Variants in CSGALNACT1 observed in about 807,000 individuals in gnomAD.
CSGALNACT1 encodes beta4GalNAcT-1.
CSGALNACT1 carries 52 observed loss-of-function variants against 51.0 expected under a neutral mutation model. The observed-to-expected ratio is 1.02, with a 90% CI of 0.82 to 1.29. The LOEUF (loss-of-function observed/expected upper bound fraction) is 1.29, where lower values mean the gene tolerates loss of function less well. Ranked by LOEUF, CSGALNACT1 falls within the 50% of genes most tolerant of loss-of-function variation. The pLI, the probability that CSGALNACT1 is intolerant of heterozygous loss-of-function variation, is 0.00. For missense variants in CSGALNACT1, 935 were observed against 679.2 expected (o/e 1.38, Z -4.19); for synonymous variants, 341 against 254.4 (o/e 1.34, Z -3.24).
chr8:19,670,734 A>G (rs1364099008), intron 1 of CSGALNACT1, among the ~76,000 whole-genome samples: 2 of 151,926 alleles, frequency 1.3e-5, no homozygotes, highest in Admixed American at 6.6e-5. Context: ...AAGATAACAC[A>G]TGAGACAAGT....
intron 1 of CSGALNACT1, among the ~76,000 whole-genome samples, chr8:19,694,712 G>A (rs1377360283): frequency 6.6e-6 from 1 of 152,176 alleles, no homozygotes; most frequent in Non-Finnish European, 1.5e-5. Context: ...CTTAATAAGG[G>A]CTTCTGAGCC....
chr8:19,565,785 T>C (rs1338773274), intron 3 of CSGALNACT1, among the ~76,000 whole-genome samples: 2 of 151,996 alleles, frequency 1.3e-5, no homozygotes, highest in African/African-American at 4.8e-5. Context: ...CTGGTGCACA[T>C]CTGTAATCCC....
At chr8:19,520,232 A>G (rs1188684021) in intron 3 of CSGALNACT1, among the ~76,000 whole-genome samples, 4 of 152,222 alleles carry the variant, frequency 2.6e-5, no homozygotes, top group African/African-American at 4.8e-5. Flanking sequence ...TAGAAACTCC[A>G]TGAAGCTACA....
At chr8:19,721,609 T>C (rs781782165) in intron 1 of CSGALNACT1, among the ~76,000 whole-genome samples, 4 of 152,232 alleles carry the variant, frequency 2.6e-5, no homozygotes, top group South Asian at 2.1e-4. Context: ...AGCATTTAAA[T>C]TGGGCCACTT....
intron 4 of CSGALNACT1, among the ~76,000 whole-genome samples, chr8:19,486,011 C>T (rs1243206603): frequency 6.6e-6 from 1 of 151,632 alleles, no homozygotes; most frequent in African/African-American, 2.4e-5. Context: ...GGTGATCCAC[C>T]CACCTTGGCC....
At chr8:19,658,302 C>T (rs2058468957) in intron 1 of CSGALNACT1, among the ~76,000 whole-genome samples, 1 of 152,092 alleles carries the variant, frequency 6.6e-6, no homozygotes, top group South Asian at 2.1e-4. Context: ...CTTCCCAACC[C>T]CCAAATTGAG....
intron 1 of CSGALNACT1, among the ~76,000 whole-genome samples, chr8:19,681,215 A>C (rs2060592261): frequency 6.6e-6 from 1 of 152,136 alleles, no homozygotes; most frequent in African/African-American, 2.4e-5. Flanking sequence ...CTGCCAAGCC[A>C]CCAACACCAA....
chr8:19,520,476 G>A (rs2958587), intron 3 of CSGALNACT1, among the ~76,000 whole-genome samples: 20,439 of 152,184 alleles, frequency 0.13, 1,542 homozygotes, highest in Middle Eastern at 0.2. Context: ...GGCGCCTGCC[G>A]CCAATCCTAT....
chr8:19,747,109 A>G (rs1366536358), intron 1 of CSGALNACT1, among the ~76,000 whole-genome samples: 1 of 152,242 alleles, frequency 6.6e-6, no homozygotes, highest in African/African-American at 2.4e-5. Context: ...CACCTTGGTG[A>G]AAAGTGCAAA....
In CSGALNACT1 at chr8:19,743,910, T is replaced by C. The variant is rs1225640943; in HGVS notation, c.-297+13940A>G. On this transcript the variant is annotated intron_variant, in intron 1 of 1. Transcript: ENST00000517494. ...CTCTTAATGGCCCAATAGCACTGAA[T>C]CCTTCATCAAATTTTTATGCAATAT... is the stretch of plus-strand genomic sequence containing the variant. Among the ~76,000 whole-genome samples, 3 of 152,072 alleles carry C rather than the reference T, an allele frequency of 2.0e-5. 1 individual carries two copies.
At chr8:19,509,613 C>G (rs1054696423) in intron 3 of CSGALNACT1, among the ~76,000 whole-genome samples, 2 of 109,238 alleles carry the variant, frequency 1.8e-5, no homozygotes, top group Non-Finnish European at 3.5e-5. Context: ...CAGTGCAAGA[C>G]TCTGTCTCAA....
chr8:19,450,751 T>C (rs1261564787), intron 5 of CSGALNACT1, among the ~76,000 whole-genome samples: 4 of 151,874 alleles, frequency 2.6e-5, no homozygotes, highest in African/African-American at 7.3e-5. Context: ...ACTTTGTCTC[T>C]ACAAAAAATC....
At chr8:19,426,515 G>C (rs2058796213) in intron 6 of CSGALNACT1, among the ~76,000 whole-genome samples, 1 of 152,104 alleles carries the variant, frequency 6.6e-6, no homozygotes, top group African/African-American at 2.4e-5. Flanking sequence ...GGTAGGATGG[G>C]GGCACTACAT....
At chr8:19,686,807 G>C (rs771232687), upstream of CSGALNACT1, among the ~76,000 whole-genome samples, 30 of 152,290 alleles carry the variant, frequency 2.0e-4, no homozygotes, top group Non-Finnish European at 3.2e-4. Flanking sequence ...TCCATCCTCT[G>C]ACTGCCCTGG....
chr8:19,508,878 A>T (rs901335890), intron 3 of CSGALNACT1, among the ~76,000 whole-genome samples: 1 of 152,236 alleles, frequency 6.6e-6, no homozygotes, highest in African/African-American at 2.4e-5. Flanking sequence ...TAAAACTGGA[A>T]TATCTTTTTG....
intron 1 of CSGALNACT1, among the ~76,000 whole-genome samples, chr8:19,680,896 T>C (rs2060567188): frequency 6.6e-6 from 1 of 152,174 alleles, no homozygotes; most frequent in South Asian, 2.1e-4. Context: ...CACTATTTAG[T>C]GCCATATGTC....
rs894739829 is a variant in CSGALNACT1 at position 19,757,316 on chromosome 8, C to CG, written c.-297+533dup. The stretch of plus-strand genomic sequence containing the variant: ...GCAGCCGCGGAGCCTCCAGGGACCC[C>CG]GGGGGCGGGGAGCAGCGGCGGCGGC... On this transcript the variant is annotated intron_variant, in intron 1 of 1. Coordinates refer to the CSGALNACT1 transcript ENST00000517494. This position sits in a 1 kb window ranked among gnomAD's most constrained non-coding sequence, Gnocchi z 4.0. 4.0e-5 allele frequency: 6 copies of CG among 150,700 alleles called. No homozygotes were observed. The highest frequency in any genetic ancestry group is 9.7e-5 in the African/African-American group (4 of 41,182). 9.3% of individuals were successfully genotyped at this position (150,700 alleles called of 1,614,324 possible).
At chr8:19,528,399 TAAAG>T (rs1235108270) in intron 3 of CSGALNACT1, among the ~76,000 whole-genome samples, 2 of 152,018 alleles carry the variant, frequency 1.3e-5, no homozygotes, top group Non-Finnish European at 1.5e-5. Context: ...ACACAAGTGA[TAAAG>T]AGAGACAAAA....
intron 1 of CSGALNACT1, among the ~76,000 whole-genome samples, chr8:19,752,864 C>A (rs927866024): frequency 2.0e-5 from 3 of 152,192 alleles, no homozygotes; most frequent in African/African-American, 7.2e-5. Context: ...TTCCCTAAGT[C>A]ATAGGTTCAA....
Sources: allele counts gnomAD v4.1 joint callset (sites outside exome capture counted in the v4.1 genomes callset), GRCh38; gene constraint gnomAD v4.1.1; non-coding constraint Gnocchi (gnomAD v3.1); transcripts MANE v1.5; gene names NCBI Gene and HGNC (gene_info 2026-07-23, HGNC 2026-07-21).